The following STX8 variants were observed in gnomAD, a reference collection of about 807,000 sequenced individuals.
STX8 encodes the protein syntaxin 8.
STX8 carries 23 observed loss-of-function variants against 37.5 expected under a neutral mutation model. The ratio of observed to expected loss-of-function variants is 0.61; its 90% CI spans 0.44 to 0.87. The LOEUF (loss-of-function observed/expected upper bound fraction) is 0.87. Among genes scored for constraint, STX8 ranks in the 40% least tolerant of loss-of-function variants. The probability of loss-of-function intolerance (pLI) is 0.00; values close to 1 mark genes in which losing one functional copy is unlikely to be tolerated. For missense variants in STX8, 313 were observed against 284.7 expected, an observed-to-expected ratio of 1.10 and a Z score of -0.71; for synonymous variants, 115 against 99.1, an observed-to-expected ratio of 1.16 and a Z score of -0.95.
At chr17:9,368,803 T>G (rs1911308576) in intron 7 of STX8, among the ~76,000 whole-genome samples, 1 of 152,202 alleles carries the variant, frequency 6.6e-6, no homozygotes, top group African/African-American at 2.4e-5. Flanking sequence ...TGTTGCAGCC[T>G]CTTGGAAACC....
chr17:9,357,452 G>A (rs1486435652), intron 7 of STX8, among the ~76,000 whole-genome samples: 2 of 152,042 alleles, frequency 1.3e-5, no homozygotes, highest in Non-Finnish European at 2.9e-5. Flanking sequence ...CACTTTGGGA[G>A]GCCAAGGCAA....
At chr17:9,363,160 T>C (rs1450584194) in intron 7 of STX8, among the ~76,000 whole-genome samples, 2 of 152,130 alleles carry the variant, frequency 1.3e-5, no homozygotes, top group Non-Finnish European at 2.9e-5. Flanking sequence ...TCAAAGACCA[T>C]CCAGTGGCAA....
At chr17:9,386,053 T>A (rs1373990585) in intron 6 of STX8, among the ~76,000 whole-genome samples, 2 of 149,980 alleles carry the variant, frequency 1.3e-5, no homozygotes, top group East Asian at 4.0e-4. Context: ...TGAGCCATCA[T>A]GCCTGGCTCA....
At chr17:9,284,059 C>T (rs1200419251) in intron 7 of STX8, among the ~76,000 whole-genome samples, 1 of 152,190 alleles carries the variant, frequency 6.6e-6, no homozygotes. Flanking sequence ...GGTTTCATGT[C>T]ATGATCGTTT....
chr17:9,517,312 C>T (rs1047035908), intron 4 of STX8, among the ~76,000 whole-genome samples: 1 of 152,138 alleles, frequency 6.6e-6, no homozygotes, highest in Non-Finnish European at 1.5e-5. Context: ...CACATTATGG[C>T]TGGCATAATG....
At chr17:9,510,749 G>A (rs531382144) in intron 4 of STX8, among the ~76,000 whole-genome samples, 34 of 151,480 alleles carry the variant, frequency 2.2e-4, no homozygotes, top group South Asian at 2.1e-3. Flanking sequence ...ATTAGTAAAG[G>A]AAAGAAATAA....
At chr17:9,517,959 T>G (rs1294245492) in intron 4 of STX8, among the ~76,000 whole-genome samples, 1 of 151,696 alleles carries the variant, frequency 6.6e-6, no homozygotes, top group Non-Finnish European at 1.5e-5. Context: ...GATGTAAGAG[T>G]GGAGAGTGGG....
chr17:9,340,849 G>A (rs975806311), intron 7 of STX8, among the ~76,000 whole-genome samples: 3 of 150,098 alleles, frequency 2.0e-5, no homozygotes, highest in Non-Finnish European at 4.4e-5. Context: ...TAGAGACGGG[G>A]TTTCTCCATG....
chr17:9,537,504 A>C (rs144950542), intron 4 of STX8, among the ~76,000 whole-genome samples: 50 of 152,340 alleles, frequency 3.3e-4, no homozygotes, highest in Middle Eastern at 3.4e-3. Context: ...TACACGAGGC[A>C]GGCAAAAAAG....
At chr17:9,268,923 C>A (rs917779375) in intron 7 of STX8, among the ~76,000 whole-genome samples, 18 of 152,194 alleles carry the variant, frequency 1.2e-4, no homozygotes, top group Non-Finnish European at 2.1e-4. Context: ...TGCAGTGGCT[C>A]ACGCCTGTAA....
intron 4 of STX8, among the ~76,000 whole-genome samples, chr17:9,534,085 T>C (rs1905928381): frequency 6.6e-6 from 1 of 151,194 alleles, no homozygotes; most frequent in Middle Eastern, 3.4e-3. Context: ...AACTGAAAAA[T>C]ACAAAAAAAG....
chr17:9,334,385 A>G (rs1195445840), intron 7 of STX8, among the ~76,000 whole-genome samples: 2 of 152,188 alleles, frequency 1.3e-5, no homozygotes, highest in Non-Finnish European at 2.9e-5. Flanking sequence ...TCTGGAAAAG[A>G]GCTACTATCA....
At chr17:9,504,489 G>A (rs984875933) in intron 5 of STX8, among the ~76,000 whole-genome samples, 2 of 151,924 alleles carry the variant, frequency 1.3e-5, no homozygotes, top group African/African-American at 2.4e-5. Flanking sequence ...CATCAAATTT[G>A]CTTGGACTTA....
At chr17:9,251,676 G>C (rs553678669) in intron 7 of STX8, among the ~76,000 whole-genome samples, 10 of 152,214 alleles carry the variant, frequency 6.6e-5, no homozygotes, top group Non-Finnish European at 1.3e-4. Flanking sequence ...ATGTTCGTGA[G>C]CAAAGAAAAT....
At chr17:9,448,655 T>G (rs962687444) in intron 6 of STX8, among the ~76,000 whole-genome samples, 3 of 151,604 alleles carry the variant, frequency 2.0e-5, no homozygotes, top group Non-Finnish European at 4.4e-5. Flanking sequence ...TAATATGTCC[T>G]TAACAGAAAC....
At chr17:9,501,215 T>C (rs1187205723) in intron 5 of STX8, among the ~76,000 whole-genome samples, 2 of 152,234 alleles carry the variant, frequency 1.3e-5, no homozygotes, top group African/African-American at 4.8e-5. Flanking sequence ...TAAAAACAGA[T>C]TCTAGAATTC....
intron 7 of STX8, among the ~76,000 whole-genome samples, chr17:9,332,043 G>A: frequency 6.6e-6 from 1 of 152,184 alleles, no homozygotes; most frequent in East Asian, 1.9e-4. Flanking sequence ...AAACCCCAGC[G>A]CTGTCATGGC....
chr17:9,404,102 A>T (rs985128773), intron 6 of STX8, among the ~76,000 whole-genome samples: 1 of 152,220 alleles, frequency 6.6e-6, no homozygotes, highest in African/African-American at 2.4e-5. Context: ...AGAAAAGGAA[A>T]TATTCAGAAA....
intron 7 of STX8, among the ~76,000 whole-genome samples, chr17:9,343,718 C>T (rs560253286): frequency 1.5e-4 from 23 of 152,250 alleles, no homozygotes; most frequent in Non-Finnish European, 2.9e-4. Context: ...TCACAGACTG[C>T]TCCTGTTACC....
Sources: gnomAD v4.1 joint callset for allele counts (sites outside exome capture counted in the v4.1 genomes callset) on GRCh38, gnomAD v4.1.1 for gene constraint, MANE v1.5 for transcripts, NCBI Gene and HGNC (gene_info 2026-07-23, HGNC 2026-07-21) for gene names.